MTFR1: variants seen among roughly 807,000 people sequenced by gnomAD.
MTFR1 encodes chondrocyte protein with a poly-proline region.
MTFR1 carries 28 observed loss-of-function variants against 38.8 expected under a neutral mutation model. That is an observed-to-expected ratio of 0.72 (90% CI 0.53 to 0.99). The LOEUF (loss-of-function observed/expected upper bound fraction) is 0.99. Ranked by LOEUF, MTFR1 falls within the 50% of genes least tolerant of loss-of-function variation. MTFR1 has a pLI of 0.00. For missense variants in MTFR1, 358 were observed against 395.5 expected, an observed-to-expected ratio of 0.91 and a Z score of 0.81; for synonymous variants, 145 against 137.0, an observed-to-expected ratio of 1.06 and a Z score of -0.41.
intron 3 of MTFR1, among the ~76,000 whole-genome samples, chr8:65,764,496 G>C (rs1345409578): frequency 6.6e-6 from 1 of 152,188 alleles, no homozygotes; most frequent in African/African-American, 2.4e-5. Flanking sequence ...AGTACAGTAT[G>C]AAAGTTAGAT....
chr8:65,724,207 AAAAAAATG>A (rs1190365501), intron 3 of MTFR1: 7 of 1,233,726 alleles, frequency 5.7e-6, no homozygotes, highest in Non-Finnish European at 7.1e-6. Flanking sequence ...ACGATGTTAA[AAAAAAATG>A]AACTGGATAG....
At chr8:65,660,057 AG>A (rs773862810) in intron 1 of MTFR1, among the ~76,000 whole-genome samples, 2 of 152,186 alleles carry the variant, frequency 1.3e-5, no homozygotes, top group Non-Finnish European at 2.9e-5. Flanking sequence ...CGGGAGGCTG[AG>A]GCTGGTGGAT....
At chr8:65,761,145 C>T (rs1363317550) in intron 3 of MTFR1, among the ~76,000 whole-genome samples, 1 of 152,000 alleles carries the variant, frequency 6.6e-6, no homozygotes, top group African/African-American at 2.4e-5. Flanking sequence ...CTGCAACCTC[C>T]GCCTCCCAGG....
At position 65,669,973 on chromosome 8, in the gene MTFR1, C is replaced by T. The variant is rs1176223882; in HGVS notation, c.21C>T (p.Arg7=). The change falls in exon 2 of 8, where the codon CGC becomes CGT. Residue 7 remains arginine, a synonymous_variant. Coordinates refer to ENST00000262146, the MANE Select transcript of MTFR1 (RefSeq NM_014637.4). MLGWIK[R]LIRMVFQQVG... is the part of the protein sequence containing the mutation. ...TATAAATGCTTGGCTGGATTAAGCG[C>T]CTAATTAGGATGGTTTTTCAACAAG... The T allele has an allele frequency of 6.2e-7, 1 of 1,600,566 alleles. No homozygotes were observed. The highest frequency in any genetic ancestry group is 1.3e-5 in the African/African-American group (1 of 74,104).
intron 3 of MTFR1, chr8:65,720,741 G>A (rs1331107086): frequency 1.3e-5 from 2 of 152,254 alleles, no homozygotes; most frequent in Non-Finnish European, 2.9e-5. Flanking sequence ...AGGAGCTTAT[G>A]TTCTGGTGAG....
chr8:65,769,427 G>A (rs968448673), intron 3 of MTFR1, among the ~76,000 whole-genome samples: 5 of 152,130 alleles, frequency 3.3e-5, no homozygotes, highest in Admixed American at 2.6e-4. Flanking sequence ...GAGCATATTT[G>A]TACCAGATCT....
At chr8:65,655,335 G>A (rs566136288) in intron 1 of MTFR1, among the ~76,000 whole-genome samples, 2 of 152,312 alleles carry the variant, frequency 1.3e-5, no homozygotes, top group South Asian at 4.1e-4. Context: ...TGATTAGCCT[G>A]TGTTCATGGA....
intron 3 of MTFR1, among the ~76,000 whole-genome samples, chr8:65,683,822 G>A (rs151325194): frequency 6.6e-6 from 1 of 152,210 alleles, no homozygotes; most frequent in African/African-American, 2.4e-5. Context: ...ACTGCACCCG[G>A]CTGCCTTTTT....
At chr8:65,745,718 C>T (rs1807643456) in intron 3 of MTFR1, among the ~76,000 whole-genome samples, 1 of 152,098 alleles carries the variant, frequency 6.6e-6, no homozygotes, top group African/African-American at 2.4e-5. Context: ...GGTTATGTTT[C>T]CCAGCTTATT....
chr8:65,659,825 G>A (rs1274498262), intron 1 of MTFR1, among the ~76,000 whole-genome samples: 3 of 152,108 alleles, frequency 2.0e-5, no homozygotes, highest in African/African-American at 7.2e-5. Flanking sequence ...TGTTCTAAAA[G>A]TATTAATATT....
intron 1 of MTFR1, among the ~76,000 whole-genome samples, chr8:65,645,692 T>TCCCCCC (rs1554544273): frequency 1.2e-5 from 1 of 83,170 alleles, no homozygotes; most frequent in African/African-American, 5.1e-5. Flanking sequence ...CGCCCGGCTT[T>TCCCCCC]CCCCCCCCCC....
At chr8:65,645,692 T>TTTCCCCCCC (rs1554544272) in intron 1 of MTFR1, among the ~76,000 whole-genome samples, 1 of 83,174 alleles carries the variant, frequency 1.2e-5, no homozygotes, top group African/African-American at 5.1e-5. Flanking sequence ...CGCCCGGCTT[T>TTTCCCCCCC]CCCCCCCCCC....
At chr8:65,727,246 G>A in intron 3 of MTFR1, 1 of 1,613,838 alleles carries the variant, frequency 6.2e-7, no homozygotes, top group Non-Finnish European at 8.5e-7. Context: ...CAGATCATGA[G>A]TGGCAGCTGC....
At chr8:65,694,205 G>C (rs770143916) in intron 4 of MTFR1, among the ~76,000 whole-genome samples, 1 of 151,354 alleles carries the variant, frequency 6.6e-6, no homozygotes, top group Non-Finnish European at 1.5e-5. Flanking sequence ...TTCCTGAGTA[G>C]CTGGGGCTAC....
chr8:65,747,594 A>C, intron 3 of MTFR1: 1 of 1,047,150 alleles, frequency 9.5e-7, no homozygotes, highest in Non-Finnish European at 1.4e-6. Context: ...TATGGGGAAT[A>C]AAGGCCTTCA....
rs535835809 is a variant in MTFR1, at chr8:65,668,584, G to T, written c.-80-1289G>T. Among the ~76,000 whole-genome samples, 394 of 144,148 alleles carry T rather than the reference G, an allele frequency of 2.7e-3. 5 individuals carry two copies. The South Asian group carries it at 0.036, about 13-fold the overall frequency. 94.6% of individuals were successfully genotyped at this position (144,148 alleles called of 152,430 possible). A position where few individuals can be genotyped will look rare whatever the true frequency, so the allele number is the denominator to read the frequency against. Reference sequence around the variant, plus strand: ...GTTGCCCAGGTTTGAGTGCAGTGGCGCTATTTGCATCCTCCGCCTACTGGC... The same window carrying T: ...GTTGCCCAGGTTTGAGTGCAGTGGCTCTATTTGCATCCTCCGCCTACTGGC... On this transcript the variant is annotated intron_variant, in intron 1 of 7. Coordinates refer to ENST00000262146, the MANE Select transcript of MTFR1 (RefSeq NM_014637.4).
chr8:65,690,478 C>T (rs1007926476), intron 3 of MTFR1, among the ~76,000 whole-genome samples: 2 of 151,982 alleles, frequency 1.3e-5, no homozygotes, highest in Middle Eastern at 3.2e-3. Flanking sequence ...TGCAGTGAGC[C>T]GAGATGGTAC....
intron 3 of MTFR1, among the ~76,000 whole-genome samples, chr8:65,691,689 G>A (rs1227768243): frequency 2.0e-5 from 3 of 151,632 alleles, no homozygotes; most frequent in African/African-American, 4.8e-5. Context: ...TTGCTCTGTC[G>A]CCCAGGCTGG....
intron 3 of MTFR1, among the ~76,000 whole-genome samples, chr8:65,735,601 A>G (rs1005374596): frequency 6.6e-6 from 1 of 151,990 alleles, no homozygotes; most frequent in African/African-American, 2.4e-5. Flanking sequence ...GTGAGCCACT[A>G]TGCCCCACCT....
Sources: allele counts gnomAD v4.1 joint callset (sites outside exome capture counted in the v4.1 genomes callset), GRCh38; gene constraint gnomAD v4.1.1; transcripts MANE v1.5; gene names NCBI Gene and HGNC (gene_info 2026-07-23, HGNC 2026-07-21).